Variants in XRRA1 observed in about 807,000 individuals in gnomAD.
XRRA1 encodes the protein X-ray radiation resistance associated 1.
Under a neutral mutation model 80.2 loss-of-function variants are expected in XRRA1, and 69 were observed. The observed-to-expected ratio is 0.86, with a 90% CI of 0.71 to 1.05. XRRA1 has a LOEUF of 1.05. XRRA1 is among the 50% of genes least tolerant of loss of function. The pLI is 0.00. For missense variants in XRRA1, 967 were observed against 976.4 expected (o/e 0.99, Z 0.13); for synonymous variants, 348 against 389.9 (o/e 0.89, Z 1.27).
chr11:74,888,568 G>A (rs926695492), intron 10 of XRRA1, among the ~76,000 whole-genome samples: 6 of 152,368 alleles, frequency 3.9e-5, no homozygotes, highest in Admixed American at 3.9e-4. Context: ...GCTGGATGGA[G>A]AATGACTTTG....
At chr11:74,863,112 C>T (rs1202400568) in intron 10 of XRRA1, 91 bp from the exon 11 acceptor site, 7 of 1,202,962 alleles carry the variant, frequency 5.8e-6, no homozygotes, top group South Asian at 1.3e-5. Context: ...CCACTGTGTG[C>T]AGCAGGGCAC....
intron 3 of XRRA1, 109 bp from the exon 4 acceptor site, chr11:74,937,177 AAC>A: frequency 8.8e-7 from 1 of 1,142,612 alleles, no homozygotes; most frequent in Non-Finnish European, 1.2e-6. Flanking sequence ...CTGATTATCT[AAC>A]ATGCACCAGA....
At chr11:74,930,255 C>G in intron 6 of XRRA1, 45 bp downstream of exon 6, 1 of 1,445,842 alleles carries the variant, frequency 6.9e-7, no homozygotes, top group Non-Finnish European at 9.5e-7. Flanking sequence ...AATGGCTGTG[C>G]TGGCTAAGAG....
In XRRA1 at chr11:74,921,177, C is replaced by G. The variant is rs756890270; in HGVS notation, c.656+37G>C. 6 of 1,606,742 alleles carry G rather than the reference C, an allele frequency of 3.7e-6. No homozygotes were observed. The African/African-American group carries it at 8.0e-5, about 21-fold the overall frequency. The stretch of plus-strand genomic sequence containing the variant: ...GGCTATTTCCTTGGATATTTGTACA[C>G]AAAAACACAGAATGGACTCCAGGAG... On this transcript the variant is annotated intron_variant, in intron 8 of 18. Transcript: ENST00000684022.
chr11:74,878,325 G>C (rs1408213060), intron 10 of XRRA1, among the ~76,000 whole-genome samples: 5 of 151,496 alleles, frequency 3.3e-5, no homozygotes, highest in African/African-American at 4.9e-5. Flanking sequence ...TTTTTTTCTT[G>C]TAAATTTGTT....
rs367875228 is a variant in XRRA1 at position 74,874,233 on chromosome 11, CAAAAAAAAA to C, written c.1004-11221_1004-11213del. Among the ~76,000 whole-genome samples, 15 of 48,292 alleles carry C rather than the reference CAAAAAAAAA, an allele frequency of 3.1e-4. No individual in the cohort carries two copies. In the East Asian group the frequency reaches 3.4e-3, roughly 11 times the overall value. The allele number at this position is 48,292 out of a possible 152,430, so 31.7% of individuals were successfully genotyped here. Reference sequence around the variant, plus strand: ...CCTGGGTGACAGCAAGACTCCGTCTCAAAAAAAAAAAAAAAAAAAAAAAAAAAAAGAAAG... The same window carrying C: ...CCTGGGTGACAGCAAGACTCCGTCTCAAAAAAAAAAAAAAAAAAAAGAAAG... On this transcript the variant is annotated intron_variant, in intron 10 of 18. Coordinates refer to ENST00000684022, the MANE Select transcript of XRRA1 (RefSeq NM_001378157.1).
At chr11:74,848,523 C>G (rs2038912188) in intron 14 of XRRA1, 61 bp from the exon 15 acceptor site, 2 of 1,465,456 alleles carry the variant, frequency 1.4e-6, no homozygotes, top group African/African-American at 2.8e-5. Flanking sequence ...CCTCCTGGGC[C>G]TCACTAGCCT....
chr11:74,939,477 C>T (rs548243433), intron 3 of XRRA1, among the ~76,000 whole-genome samples: 2 of 152,194 alleles, frequency 1.3e-5, no homozygotes, highest in African/African-American at 2.4e-5. Context: ...TATTTCATTG[C>T]TCAAACTGTC....
intron 11 of XRRA1, among the ~76,000 whole-genome samples, chr11:74,862,558 G>A (rs1229225119): frequency 1.3e-5 from 2 of 152,342 alleles, no homozygotes; most frequent in South Asian, 2.1e-4. Flanking sequence ...TGACATCAAC[G>A]ATTAGGTCCT....
At chr11:74,894,757 C>T (rs997216800) in intron 10 of XRRA1, among the ~76,000 whole-genome samples, 1 of 152,022 alleles carries the variant, frequency 6.6e-6, no homozygotes, top group Non-Finnish European at 1.5e-5. Flanking sequence ...CCATATCAAC[C>T]CTTGAACCCA....
In XRRA1 at chr11:74,940,770, G is replaced by A. The variant is rs1438155332; in HGVS notation, c.94+15C>T. The A allele has an allele frequency of 1.3e-6, 2 of 1,589,772 alleles. No individual in the cohort carries two copies. The highest frequency in any genetic ancestry group is 1.7e-6 in the Non-Finnish European group (2 of 1,167,054). ...AGGTATGAGGAAAAGGTAGCTATTT[G>A]AGAAGTCACCTGACCTTCCTCCGGC... is the stretch of plus-strand genomic sequence containing the variant. On this transcript the variant is annotated intron_variant, in intron 3 of 18. Coordinates refer to ENST00000684022, the MANE Select transcript of XRRA1 (RefSeq NM_001378157.1).
intron 10 of XRRA1, among the ~76,000 whole-genome samples, chr11:74,867,917 C>CTTTTTTTTTTTTTTTTTTTT (rs60520990): frequency 1.9e-5 from 2 of 106,748 alleles, no homozygotes; most frequent in African/African-American, 3.6e-5. Context: ...TATAGTCAAT[C>CTTTTTTTTTTTTTTTTTTTT]TTTTTTTTTT....
Position 74,843,910 on chromosome 11 carries a change from A to T in XRRA1, c.2093T>A (p.Leu698Gln). 1 of 1,613,702 alleles carries T rather than the reference A, an allele frequency of 6.2e-7. No individual in the cohort carries two copies. Among genetic ancestry groups the T allele is most frequent in the Admixed American group, 1.7e-5 (1 of 59,972 alleles). The change falls in exon 18 of 19, where the codon CTG becomes CAG. Residue 698 changes from leucine (L) to glutamine (Q), a missense_variant. Physicochemically the swap from Leu to Gln is moderately radical, Grantham distance 113 (BLOSUM62 -2). Transcript: ENST00000684022. ...PPPKKTRAQL[L>Q]DDIFIRLRDP... ...CCGCAAGCGAATGAAGATGTCATCC[A>T]GAAGTTGGGCTCTAGTCTTCTTTGG...
chr11:74,882,279 C>T (rs1590959996), intron 10 of XRRA1, among the ~76,000 whole-genome samples: 1 of 151,744 alleles, frequency 6.6e-6, no homozygotes, highest in Admixed American at 6.6e-5. Flanking sequence ...ATCGCTGATA[C>T]CCTTTCTTCC....
At chr11:74,877,321 A>T (rs370071900) in intron 10 of XRRA1, among the ~76,000 whole-genome samples, 1 of 152,186 alleles carries the variant, frequency 6.6e-6, no homozygotes, top group Non-Finnish European at 1.5e-5. Context: ...TGTTGCTTTT[A>T]TATTACACTT....
At chr11:74,924,497 G>C (rs1264036187) in intron 7 of XRRA1, among the ~76,000 whole-genome samples, 2 of 151,212 alleles carry the variant, frequency 1.3e-5, no homozygotes, top group Non-Finnish European at 2.9e-5. Context: ...AAGAATAAGA[G>C]TGTGTTTCAT....
rs1367065077 is a variant in XRRA1 at position 74,845,238 on chromosome 11, C to T, written c.1762G>A (p.Asp588Asn). The T allele has an allele frequency of 2.5e-6, 4 of 1,613,942 alleles. No individual in the cohort carries two copies. Among genetic ancestry groups the T allele is most frequent in the Middle Eastern group, 1.6e-4 (1 of 6,062 alleles). The part of the protein sequence containing the change: ...SELPSSVIHK[D>N]DLELKEKDQK... ...TCTTTCTCCTTTAACTCTAAATCAT[C>T]CTTATGGATGACGGAGGAAGGCAGT... Residue 588 changes from aspartate (D) to asparagine (N), a missense_variant, in exon 16 of 19, where the codon GAT becomes AAT. Physicochemically the swap from Asp to Asn is conservative, Grantham distance 23. Coordinates refer to ENST00000684022, the MANE Select transcript of XRRA1 (RefSeq NM_001378157.1).
intron 2 of XRRA1, among the ~76,000 whole-genome samples, chr11:74,942,528 G>GCT (rs1461055856): frequency 6.6e-6 from 1 of 152,194 alleles, no homozygotes; most frequent in Non-Finnish European, 1.5e-5. Context: ...GGGGACATGT[G>GCT]CTCTCTCTCA....
chr11:74,943,550 TG>T (rs1946835951), intron 2 of XRRA1, among the ~76,000 whole-genome samples: 1 of 150,778 alleles, frequency 6.6e-6, no homozygotes, highest in Admixed American at 6.6e-5. Flanking sequence ...TGTGTGTGTG[TG>T]TGTGTGTGTG....
Sources: gnomAD v4.1 joint callset for allele counts (sites outside exome capture counted in the v4.1 genomes callset) on GRCh38, gnomAD v4.1.1 for gene constraint, MANE v1.5 for transcripts, NCBI Gene and HGNC (gene_info 2026-07-23, HGNC 2026-07-21) for gene names.